Variants in CEP128 observed in about 807,000 individuals in gnomAD.
The protein encoded by CEP128 is centrosomal protein 128kDa.
Under a neutral mutation model 156.7 loss-of-function variants are expected in CEP128, and 132 were observed. The ratio of observed to expected loss-of-function variants is 0.84; its 90% CI spans 0.73 to 0.97. CEP128 has a LOEUF of 0.97. CEP128 is among the 50% of genes least tolerant of loss of function. The pLI, the probability that CEP128 is intolerant of heterozygous loss-of-function variation, is 0.00. For synonymous variants in CEP128, 469 were observed against 448.9 expected (o/e 1.04, Z -0.57); for missense variants, 1,252 against 1,281.9 (o/e 0.98, Z 0.36).
Position 80,729,054 on chromosome 14 carries a change from T to TG in CEP128, c.2806+14020dup, listed in dbSNP as rs543120613. On this transcript the variant is annotated intron_variant, in intron 19 of 24. Coordinates refer to ENST00000555265, the MANE Select transcript of CEP128 (RefSeq NM_152446.5). ...CTGCCCTAGTCCCAGGCTGGGCTGG[T>TG]GGGGGTGTGTGTGTGTGTGTGTGTG... 4.6e-4 allele frequency among the ~76,000 whole-genome samples: 43 copies of TG among 92,606 alleles called. 1 individual carries two copies. Among genetic ancestry groups the TG allele is most frequent in the African/African-American group, 2.2e-3 (40 of 17,870 alleles). 60.8% of individuals were successfully genotyped at this position (92,606 alleles called of 152,430 possible).
intron 19 of CEP128, among the ~76,000 whole-genome samples, chr14:80,606,231 T>C (rs1161693330): frequency 1.3e-5 from 2 of 152,172 alleles, no homozygotes; most frequent in Non-Finnish European, 2.9e-5. Context: ...AAAGGCTACT[T>C]GTTTCATTTT....
chr14:80,814,848 G>A (rs1014606326), intron 13 of CEP128, among the ~76,000 whole-genome samples: 4 of 152,182 alleles, frequency 2.6e-5, no homozygotes, highest in Admixed American at 1.3e-4. Context: ...CACGAGGTCA[G>A]GAGTTCGAGA....
At chr14:80,702,512 T>C (rs182511199) in intron 19 of CEP128, among the ~76,000 whole-genome samples, 1 of 152,272 alleles carries the variant, frequency 6.6e-6, no homozygotes, top group African/African-American at 2.4e-5. Flanking sequence ...ATGAAGACAT[T>C]TGCATAAAAA....
chr14:80,501,781 G>A (rs557991728), intron 24 of CEP128, among the ~76,000 whole-genome samples: 1 of 152,048 alleles, frequency 6.6e-6, no homozygotes, highest in East Asian at 1.9e-4. Flanking sequence ...TTTCTTTGGT[G>A]TGCTCTTGAG....
Position 80,882,583 on chromosome 14 carries a change from C to G in CEP128, c.645+13135G>C, listed in dbSNP as rs752270536. Among the ~76,000 whole-genome samples, 5 of 152,220 alleles carry G rather than the reference C, an allele frequency of 3.3e-5. No homozygotes were observed. The South Asian group carries it at 8.3e-4, about 25-fold the overall frequency. ...TCCACTGCTAGGTATAAACCCAAAA[C>G]AAAGGTAATCAGTGTATCAGACATC... On this transcript the variant is annotated intron_variant, in intron 8 of 24. Transcript: ENST00000555265.
In CEP128 at chr14:80,836,312, G is replaced by C. The variant is rs749206725; in HGVS notation, c.950C>G (p.Thr317Arg). The C allele has an allele frequency of 5.0e-6, 8 of 1,614,006 alleles. No individual in the cohort carries two copies. Among genetic ancestry groups the C allele is most frequent in the South Asian group, 1.1e-5 (1 of 91,068 alleles). Residue 317 changes from threonine (T) to arginine (R), a missense_variant, in exon 12 of 25, where the codon ACG (threonine) becomes AGG (arginine). Thr to Arg is a moderately conservative substitution (Grantham distance 71, BLOSUM62 -1). Coordinates refer to ENST00000555265, the MANE Select transcript of CEP128 (RefSeq NM_152446.5). ...ACCCTTTCGATCACCTTCTGCTTTC[G>C]TAAGTTGTGTACGCAGTTCTTCTAC... ...HQVEELRTQL[T>R]KAEGDRKGLQ...
At chr14:80,784,786 C>T in intron 15 of CEP128, 109 bp downstream of exon 15, 2 of 979,118 alleles carry the variant, frequency 2.0e-6, no homozygotes, top group South Asian at 3.3e-5. Context: ...TTTATCTTCC[C>T]TTCAGTGCTT....
intron 20 of CEP128, among the ~76,000 whole-genome samples, chr14:80,568,727 G>A (rs143298158): frequency 2.6e-5 from 4 of 152,150 alleles, no homozygotes; most frequent in African/African-American, 9.6e-5. Context: ...GGGAAATGTA[G>A]CTAAACAATT....
intron 8 of CEP128, among the ~76,000 whole-genome samples, chr14:80,886,604 T>G (rs1888813454): frequency 6.6e-6 from 1 of 152,224 alleles, no homozygotes; most frequent in African/African-American, 2.4e-5. Context: ...CCAACAGGTC[T>G]GCCTTGCAAG....
intron 19 of CEP128, among the ~76,000 whole-genome samples, chr14:80,586,154 A>T (rs1162671453): frequency 6.6e-6 from 1 of 152,188 alleles, no homozygotes; most frequent in Non-Finnish European, 1.5e-5. Context: ...TATAAGGGAA[A>T]TCATATATAC....
At chr14:80,861,501 A>C (rs1285329612) in intron 9 of CEP128, among the ~76,000 whole-genome samples, 1 of 152,132 alleles carries the variant, frequency 6.6e-6, no homozygotes, top group Non-Finnish European at 1.5e-5. Context: ...AACTCCAATT[A>C]TCTGAGTTTC....
chr14:80,955,605 TG>T, intron 2 of CEP128: 1 of 1,582,122 alleles, frequency 6.3e-7, no homozygotes, highest in South Asian at 1.1e-5. Context: ...TCCTTTGGCC[TG>T]GGGTAACCCG....
chr14:80,650,909 G>GT (rs1476438073), intron 19 of CEP128, among the ~76,000 whole-genome samples: 1 of 152,042 alleles, frequency 6.6e-6, no homozygotes. Flanking sequence ...CCAGGTTTTG[G>GT]TATCAGGATG....
intron 8 of CEP128, among the ~76,000 whole-genome samples, chr14:80,870,013 T>A (rs1028555975): frequency 5.9e-5 from 9 of 151,930 alleles, no homozygotes; most frequent in African/African-American, 1.9e-4. Context: ...AATGGGTAAA[T>A]TCCTAAAAAC....
intron 21 of CEP128, among the ~76,000 whole-genome samples, chr14:80,558,331 T>G (rs1207216588): frequency 3.3e-5 from 5 of 152,066 alleles, no homozygotes; most frequent in Admixed American, 2.6e-4. Flanking sequence ...CTTGCACTGT[T>G]GCACTGGAGT....
At chr14:80,935,080 C>T (rs1403432393) in intron 2 of CEP128, among the ~76,000 whole-genome samples, 1 of 152,126 alleles carries the variant, frequency 6.6e-6, no homozygotes, top group Non-Finnish European at 1.5e-5. Flanking sequence ...GTGGCAGAGC[C>T]AGGATTCAAA....
chr14:80,565,244 T>A (rs1890862588), intron 20 of CEP128, among the ~76,000 whole-genome samples: 2 of 152,094 alleles, frequency 1.3e-5, no homozygotes, highest in Admixed American at 1.3e-4. Context: ...ACACCAGTAA[T>A]CTGGCCCAAC....
At position 80,592,195 on chromosome 14, in the gene CEP128, C is replaced by CA. The variant is rs542220967; in HGVS notation, c.2807-11773dup. Among the ~76,000 whole-genome samples, 451 of 152,052 alleles carry CA rather than the reference C, an allele frequency of 3.0e-3. 3 individuals carry two copies. The highest frequency in any genetic ancestry group is 0.016 in the South Asian group (77 of 4,802). On this transcript the variant is annotated intron_variant, in intron 19 of 24. Coordinates refer to ENST00000555265, the MANE Select transcript of CEP128 (RefSeq NM_152446.5). ...GGAGACAGAGACATGAAAAACCCTT[C>CA]AAAAAAATCAATGAATCCAGGAGCT...
At chr14:80,613,169 A>G (rs1893068004) in intron 19 of CEP128, among the ~76,000 whole-genome samples, 1 of 151,844 alleles carries the variant, frequency 6.6e-6, no homozygotes, top group South Asian at 2.1e-4. Flanking sequence ...TGCTCTTCCA[A>G]AAGTTTAGAA....
Sources: gnomAD v4.1 joint callset for allele counts (sites outside exome capture counted in the v4.1 genomes callset) on GRCh38, gnomAD v4.1.1 for gene constraint, MANE v1.5 for transcripts, NCBI Gene and HGNC (gene_info 2026-07-23, HGNC 2026-07-21) for gene names.